The following NWD2 variants were observed in gnomAD, a reference collection of about 807,000 sequenced individuals.
NWD2 encodes NACHT and WD repeat domain-containing protein 2.
In NWD2, 37 loss-of-function variants were observed where a neutral mutation model predicts 132.7. That is an observed-to-expected ratio of 0.28 (90% CI 0.21 to 0.37). The LOEUF (loss-of-function observed/expected upper bound fraction) is 0.37, where lower values mean the gene tolerates loss of function less well. Among genes scored for constraint, NWD2 ranks in the 10% least tolerant of loss-of-function variants. NWD2 has a pLI of 1.00. For missense variants in NWD2, 1,592 were observed against 2,122.4 expected (o/e 0.75, Z 4.91); for synonymous variants, 705 against 803.0 (o/e 0.88, Z 2.06).
intron 3 of NWD2, among the ~76,000 whole-genome samples, chr4:37,389,596 G>A (rs1349229476): frequency 6.6e-6 from 1 of 152,134 alleles, no homozygotes; most frequent in Non-Finnish European, 1.5e-5. Context: ...AGCTGGAAGA[G>A]AAATCTAATG....
At chr4:37,326,075 T>G in intron 2 of NWD2, 51 bp downstream of exon 2, 3 of 1,174,132 alleles carry the variant, frequency 2.6e-6, no homozygotes, top group Non-Finnish European at 1.2e-6. Flanking sequence ...AAATAACTAG[T>G]GTTTGTTTCT....
At position 37,408,725 on chromosome 4, in the gene NWD2, C is replaced by G. The variant is rs541419545; in HGVS notation, c.358-21847C>G. 3.3e-5 allele frequency among the ~76,000 whole-genome samples: 5 copies of G among 152,286 alleles called. No individual in the cohort carries two copies. The South Asian group carries it at 1.0e-3, about 32-fold the overall frequency. Reference sequence around the variant, plus strand: ...GAGTGGGTCCCTGACCCCTATGTATCCTGACTGGGAGACATCTCCCAGTAG... The same window carrying G: ...GAGTGGGTCCCTGACCCCTATGTATGCTGACTGGGAGACATCTCCCAGTAG... On this transcript the variant is annotated intron_variant, in intron 3 of 6. Coordinates refer to ENST00000309447, the MANE Select transcript of NWD2 (RefSeq NM_001144990.2).
intron 3 of NWD2, among the ~76,000 whole-genome samples, chr4:37,404,140 G>T (rs751501480): frequency 1.3e-5 from 2 of 152,140 alleles, no homozygotes; most frequent in Non-Finnish European, 2.9e-5. Context: ...GAACTTCAAA[G>T]TTATGCAAAC....
intron 1 of NWD2, among the ~76,000 whole-genome samples, chr4:37,321,879 A>G (rs1577667526): frequency 6.6e-6 from 1 of 152,222 alleles, no homozygotes; most frequent in East Asian, 1.9e-4. Flanking sequence ...TCCTTCACAT[A>G]TTTAGAAAGG....
At chr4:37,438,672 TA>T in intron 5 of NWD2, 128 bp from the exon 6 acceptor site, 1 of 616,378 alleles carries the variant, frequency 1.6e-6, no homozygotes, top group Non-Finnish European at 2.7e-6. Flanking sequence ...GAAATTATTC[TA>T]AAGATTACTT....
At chr4:37,391,776 C>T (rs1472544898) in intron 3 of NWD2, among the ~76,000 whole-genome samples, 1 of 152,176 alleles carries the variant, frequency 6.6e-6, no homozygotes, top group Non-Finnish European at 1.5e-5. Flanking sequence ...ACCCCATCGG[C>T]CCCCACAAGT....
chr4:37,253,953 A>G (rs1717452044), intron 1 of NWD2, among the ~76,000 whole-genome samples: 1 of 152,228 alleles, frequency 6.6e-6, no homozygotes, highest in Non-Finnish European at 1.5e-5. Context: ...ACAGTAACAG[A>G]AAACCAAATA....
At chr4:37,335,558 G>A (rs140494619) in intron 2 of NWD2, among the ~76,000 whole-genome samples, 10 of 152,114 alleles carry the variant, frequency 6.6e-5, no homozygotes, top group East Asian at 1.9e-4. Context: ...CTCCTGGACC[G>A]TGGCCTGCTA....
At chr4:37,352,866 A>G (rs1320867010) in intron 2 of NWD2, among the ~76,000 whole-genome samples, 1 of 152,092 alleles carries the variant, frequency 6.6e-6, no homozygotes, top group Non-Finnish European at 1.5e-5. Flanking sequence ...TAAGGTTAAT[A>G]TTGTTATGTG....
chr4:37,429,025 C>A (rs955631457), intron 3 of NWD2, among the ~76,000 whole-genome samples: 2 of 152,134 alleles, frequency 1.3e-5, no homozygotes, highest in Non-Finnish European at 2.9e-5. Context: ...AGCCACCAGG[C>A]CCGGCCTACA....
Position 37,399,325 on chromosome 4 carries a change from T to C in NWD2, c.358-31247T>C, listed in dbSNP as rs140226143. Among the ~76,000 whole-genome samples the C allele has an allele frequency of 2.0e-5, 3 of 152,350 alleles. No homozygotes were observed. In the East Asian group the frequency reaches 5.8e-4, roughly 29 times the overall value. ...TGGCCATCTTCTGGCTCCAAGAATA[T>C]AGTAGGAACAGGCCTGGATTCAGCT... On this transcript the variant is annotated intron_variant, in intron 3 of 6. Transcript: ENST00000309447.
chr4:37,342,078 A>T (rs1399860803), intron 2 of NWD2, among the ~76,000 whole-genome samples: 1 of 152,168 alleles, frequency 6.6e-6, no homozygotes, highest in Non-Finnish European at 1.5e-5. Flanking sequence ...TTGGATGTTT[A>T]TCCCCTCCAA....
chr4:37,388,917 C>A (rs1577687308), intron 3 of NWD2, among the ~76,000 whole-genome samples: 1 of 151,220 alleles, frequency 6.6e-6, no homozygotes. Flanking sequence ...GGGTTACTGA[C>A]TTTTTAACCT....
At chr4:37,369,814 C>G (rs901406516) in intron 3 of NWD2, among the ~76,000 whole-genome samples, 2 of 152,170 alleles carry the variant, frequency 1.3e-5, no homozygotes, top group Non-Finnish European at 2.9e-5. Flanking sequence ...CTCTTCCCTG[C>G]TTGGAAATAT....
intron 1 of NWD2, among the ~76,000 whole-genome samples, chr4:37,302,278 G>T (rs1718626886): frequency 6.6e-6 from 1 of 151,816 alleles, no homozygotes; most frequent in South Asian, 2.1e-4. Context: ...ATGTTGCCAC[G>T]AATGACAGAA....
intron 3 of NWD2, among the ~76,000 whole-genome samples, chr4:37,357,966 G>A (rs909464795): frequency 6.6e-6 from 1 of 152,080 alleles, no homozygotes. Context: ...CAGCAAGCAG[G>A]CCTCTGTGCC....
intron 1 of NWD2, among the ~76,000 whole-genome samples, chr4:37,283,867 C>T (rs1483484900): frequency 6.6e-6 from 1 of 152,162 alleles, no homozygotes; most frequent in African/African-American, 2.4e-5. Flanking sequence ...CTGAGGAATG[C>T]TTCCTAAGCT....
At chr4:37,261,535 C>T (rs1717636606) in intron 1 of NWD2, among the ~76,000 whole-genome samples, 1 of 152,162 alleles carries the variant, frequency 6.6e-6, no homozygotes, top group South Asian at 2.1e-4. Context: ...TCGCAAGAAT[C>T]ATACAAGTAT....
rs148982199 is a variant in NWD2, at chr4:37,254,076, G to C, written c.151+8858G>C. ...GGGTGGAGACTGGGAGGAGGAAGAG[G>C]ATCAGGAAAAATAACTAATGGGTAG... is the stretch of plus-strand genomic sequence containing the variant. On this transcript the variant is annotated intron_variant, in intron 1 of 6. Coordinates refer to ENST00000309447, the MANE Select transcript of NWD2 (RefSeq NM_001144990.2). Among the ~76,000 whole-genome samples, 575 of 152,234 alleles carry C rather than the reference G, an allele frequency of 3.8e-3. 3 individuals carry two copies. The highest frequency in any genetic ancestry group is 0.012 in the African/African-American group (517 of 41,528).
Sources: gnomAD v4.1 joint callset for allele counts (sites outside exome capture counted in the v4.1 genomes callset) on GRCh38, gnomAD v4.1.1 for gene constraint, MANE v1.5 for transcripts, NCBI Gene and HGNC (gene_info 2026-07-23, HGNC 2026-07-21) for gene names.